Variants in TNC observed in about 807,000 individuals in gnomAD.
TNC encodes tenascin.
TNC carries 109 observed loss-of-function variants against 202.4 expected under a neutral mutation model. The ratio of observed to expected loss-of-function variants is 0.54; its 90% CI spans 0.46 to 0.63. The LOEUF is 0.63. Among genes scored for constraint, TNC ranks in the 30% least tolerant of loss-of-function variants. The pLI is 0.00. For synonymous variants in TNC, 1,007 were observed against 1,089.7 expected (o/e 0.92, Z 1.50); for missense variants, 2,756 against 2,833.3 (o/e 0.97, Z 0.62).
chr9:115,107,916 A>T (rs1374654121), intron 1 of TNC, among the ~76,000 whole-genome samples: 5 of 152,164 alleles, frequency 3.3e-5, no homozygotes, highest in African/African-American at 1.2e-4. Flanking sequence ...CTCTGGCTGG[A>T]TCTCAAGTTT....
In TNC at chr9:115,087,106, C is replaced by T. The variant is rs143622444; in HGVS notation, c.625G>A (p.Asp209Asn). Residue 209 changes from aspartate (D) to asparagine (N), a missense_variant, in exon 3 of 28, where the codon GAC (aspartate) becomes AAC (asparagine). Asp to Asn is a conservative substitution (Grantham distance 23, BLOSUM62 1). Coordinates refer to ENST00000350763, the MANE Select transcript of TNC (RefSeq NM_002160.4). ...RCIDGQCICD[D>N]GFTGEDCSQL... ...CTGCAGTCCTCGCCCGTGAAGCCGT[C>T]GTCACAGATGCACTGCCCATCAATG... The T allele has an allele frequency of 4.1e-5, 66 of 1,614,248 alleles. No individual in the cohort carries two copies. The African/African-American group carries it at 5.2e-4, about 13-fold the overall frequency.
intron 16 of TNC, among the ~76,000 whole-genome samples, chr9:115,047,758 G>A (rs928641978): frequency 6.6e-6 from 1 of 152,130 alleles, no homozygotes; most frequent in Non-Finnish European, 1.5e-5. Context: ...GATTTAGTCC[G>A]TGTTGCAGAG....
chr9:115,086,810 G>T lies in TNC; in HGVS notation c.921C>A (p.Gly307=), dbSNP rs142745435. The T allele has an allele frequency of 1.2e-6, 2 of 1,613,956 alleles. No homozygotes were observed. The highest frequency in any genetic ancestry group is 1.7e-6 in the Non-Finnish European group (2 of 1,180,020). ...NECVCDEGFT[G]EDCSELICPN... is the part of the protein sequence containing the mutation. ...GGCAGATGAGCTCACTGCAGTCTTC[G>T]CCCGTGAAACCCTCATCACACACGC... Residue 307 remains glycine (G), a synonymous_variant, in exon 3 of 28, where the codon GGC becomes GGA. Coordinates refer to ENST00000350763, the MANE Select transcript of TNC (RefSeq NM_002160.4).
rs774491257 is a variant in TNC, at chr9:115,048,437, A to T, written c.4675T>A (p.Phe1559Ile). 6.2e-7 allele frequency: 1 copy of T among 1,613,964 alleles called. No homozygotes were observed. The highest frequency in any genetic ancestry group is 1.3e-5 in the African/African-American group (1 of 74,934). Residue 1559 changes from phenylalanine (F) to isoleucine (I), a missense_variant, in exon 16 of 28, where the codon TTT (phenylalanine) becomes ATT (isoleucine). By Grantham distance (21) the Phe-to-Ile change is conservative. This residue lies in a region of TNC where 2,559 missense variants were observed against 2,546.0 expected (regional missense o/e 1.01). Transcript: ENST00000350763. Reference sequence around the variant, plus strand: ...CCAGAATCCACCACCGTTACTAGAAAGCTGTCAAAGGCATTCTCCGATGCC... The same window carrying T: ...CCAGAATCCACCACCGTTACTAGAATGCTGTCAAAGGCATTCTCCGATGCC... ...WMASENAFDSFLVTVVDSGKL... is the reference protein window; with the variant it reads ...WMASENAFDSILVTVVDSGKL...
chr9:115,051,533 T>C (rs1831659088), intron 15 of TNC, among the ~76,000 whole-genome samples: 1 of 99,446 alleles, frequency 1.0e-5, no homozygotes, highest in African/African-American at 4.4e-5. Flanking sequence ...TTTTTCTTTT[T>C]TTTCTTTTTT....
At chr9:115,070,816 C>T (rs895092862) in intron 10 of TNC, among the ~76,000 whole-genome samples, 2 of 152,232 alleles carry the variant, frequency 1.3e-5, no homozygotes, top group Non-Finnish European at 2.9e-5. Flanking sequence ...CTCCTTCACC[C>T]AAGAGCTCTC....
In TNC at chr9:115,086,388, C is replaced by A. The variant is rs756243090; in HGVS notation, c.1343G>T (p.Arg448Leu). 1.2e-5 allele frequency: 20 copies of A among 1,614,070 alleles called. No homozygotes were observed. The East Asian group carries it at 4.2e-4, about 34-fold the overall frequency. Residue 448 changes from arginine (R) to leucine (L), a missense_variant, in exon 3 of 28, where the codon CGC (arginine) becomes CTC (leucine). Physicochemically the swap from Arg to Leu is moderately radical, Grantham distance 102. Coordinates refer to ENST00000350763, the MANE Select transcript of TNC (RefSeq NM_002160.4). ...RCPNDCHSRGRCVEGKCVCEQ... is the reference protein window; with the variant it reads ...RCPNDCHSRGLCVEGKCVCEQ... ...ACATACACATTTGCCCTCGACACAG[C>A]GGCCCCGACTGTGACAGTCATTGGG...
chr9:115,024,062 A>AG lies in TNC; in HGVS notation c.6405dup (p.Cys2136LeufsTer27). 1 of 1,614,144 alleles carries AG rather than the reference A, an allele frequency of 6.2e-7. No homozygotes were observed. Among genetic ancestry groups the AG allele is most frequent in the Non-Finnish European group, 8.5e-7 (1 of 1,179,992 alleles). On this transcript the variant is annotated frameshift_variant, in exon 27 of 28. Transcript: ENST00000350763. LOFTEE classifies it high-confidence loss of function. ...AAAGCCCCTTTGTAGGACAGAGCAC[A>AG]GTTGGTGATGGCTGAATCTGTGTCC...
intron 1 of TNC, among the ~76,000 whole-genome samples, chr9:115,103,332 T>G (rs1836375312): frequency 6.6e-6 from 1 of 152,244 alleles, no homozygotes; most frequent in African/African-American, 2.4e-5. Flanking sequence ...GGTTATTAGT[T>G]AGTAACCCTT....
intron 1 of TNC, among the ~76,000 whole-genome samples, chr9:115,093,228 G>A (rs1272041): frequency 6.6e-6 from 1 of 151,818 alleles, no homozygotes; most frequent in African/African-American, 2.4e-5. Flanking sequence ...TAAGAAGGTC[G>A]TATCCACATA....
In TNC at chr9:115,063,788, T is replaced by G; in HGVS notation, c.3760+8A>C. On this transcript the variant is annotated splice_region_variant and intron_variant, in intron 12 of 27. Transcript: ENST00000350763. ...GAGGAAGTGAATTAGTGAATTCGTC[T>G]AGAATACCTGTCAAGACTTCAACAG... The G allele has an allele frequency of 1.9e-6, 3 of 1,605,572 alleles. No individual in the cohort carries two copies. In the African/African-American group the frequency reaches 4.0e-5, roughly 21 times the overall value.
chr9:115,089,748 C>T (rs1444333532), intron 2 of TNC, among the ~76,000 whole-genome samples: 1 of 152,202 alleles, frequency 6.6e-6, no homozygotes, highest in African/African-American at 2.4e-5. Context: ...GATCCGCCCG[C>T]CTTAGCCTCC....
intron 15 of TNC, chr9:115,055,654 G>A (rs1029451569): frequency 3.3e-5 from 5 of 152,490 alleles, no homozygotes; most frequent in Non-Finnish European, 7.3e-5. Context: ...CTATAAGAAA[G>A]CTATCAAAGG....
At chr9:115,116,877 G>C (rs937646680) in intron 1 of TNC, among the ~76,000 whole-genome samples, 22 of 152,172 alleles carry the variant, frequency 1.4e-4, no homozygotes, top group Admixed American at 8.5e-4. Context: ...GAGATAAAAA[G>C]CGGGGGCTGG....
At chr9:115,021,642 A>G (rs184432770) in intron 27 of TNC, among the ~76,000 whole-genome samples, 1 of 152,130 alleles carries the variant, frequency 6.6e-6, no homozygotes, top group Non-Finnish European at 1.5e-5. Flanking sequence ...AGCTACATAC[A>G]TGGTGTGTGT....
At chr9:115,095,996 C>T (rs1835762201) in intron 1 of TNC, among the ~76,000 whole-genome samples, 1 of 152,050 alleles carries the variant, frequency 6.6e-6, no homozygotes, top group African/African-American at 2.4e-5. Context: ...CCAAGCTAAG[C>T]ATGTTGTGCT....
chr9:115,093,688 C>A (rs910564289), intron 1 of TNC, among the ~76,000 whole-genome samples: 7 of 151,230 alleles, frequency 4.6e-5, no homozygotes, highest in South Asian at 2.1e-4. Context: ...CTCCCCAACA[C>A]TTTTCTGTGT....
chr9:115,045,792 A>T (rs1274569495), intron 17 of TNC, among the ~76,000 whole-genome samples: 1 of 151,996 alleles, frequency 6.6e-6, no homozygotes, highest in Non-Finnish European at 1.5e-5. Flanking sequence ...AGTTGTTATG[A>T]GTATCAAAGT....
At chr9:115,099,923 A>C (rs562213671) in intron 1 of TNC, among the ~76,000 whole-genome samples, 2 of 152,306 alleles carry the variant, frequency 1.3e-5, no homozygotes, top group South Asian at 4.1e-4. Flanking sequence ...TAAAATTTTT[A>C]GGAAAATGAG....
Sources: gnomAD v4.1 joint callset for allele counts (sites outside exome capture counted in the v4.1 genomes callset) on GRCh38, gnomAD v4.1.1 for gene constraint, gnomAD v4.1.1 regional missense constraint, MANE v1.5 for transcripts, NCBI Gene and HGNC (gene_info 2026-07-23, HGNC 2026-07-21) for gene names.